ATRNL1: variants seen among roughly 807,000 people sequenced by gnomAD.
ATRNL1 encodes the protein attractin-like protein 1.
ATRNL1 carries 95 observed loss-of-function variants against 182.7 expected under a neutral mutation model. That is an observed-to-expected ratio of 0.52 (90% confidence interval 0.44 to 0.62). ATRNL1 has a LOEUF of 0.62. Among genes scored for constraint, ATRNL1 ranks in the 20% least tolerant of loss-of-function variants. The pLI is 0.00. For synonymous variants in ATRNL1, 576 were observed against 568.3 expected (o/e 1.01, Z -0.19); for missense variants, 1,471 against 1,679.5 (o/e 0.88, Z 2.17).
At chr10:115,576,979 T>G (rs1313280030) in intron 26 of ATRNL1, among the ~76,000 whole-genome samples, 1 of 151,900 alleles carries the variant, frequency 6.6e-6, no homozygotes, top group African/African-American at 2.4e-5. Flanking sequence ...CCACCATTTA[T>G]GGAAGAGACT....
chr10:115,484,503 A>G (rs1848924608), intron 24 of ATRNL1, among the ~76,000 whole-genome samples: 1 of 151,644 alleles, frequency 6.6e-6, no homozygotes, highest in Non-Finnish European at 1.5e-5. Context: ...TATATACAGT[A>G]TACTTTTTAG....
chr10:115,628,149 A>T (rs1169182283), intron 26 of ATRNL1, among the ~76,000 whole-genome samples: 1 of 150,030 alleles, frequency 6.7e-6, no homozygotes, highest in African/African-American at 2.4e-5. Context: ...TCTGTCTCAA[A>T]AAAAAAAAAA....
At chr10:115,136,064 A>T (rs535343998) in intron 5 of ATRNL1, among the ~76,000 whole-genome samples, 1 of 150,762 alleles carries the variant, frequency 6.6e-6, no homozygotes, top group African/African-American at 2.4e-5. Flanking sequence ...AGATCTTTCT[A>T]TGTTGCTCAG....
chr10:115,883,157 T>C (rs1235745661), intron 28 of ATRNL1, among the ~76,000 whole-genome samples: 1 of 152,178 alleles, frequency 6.6e-6, no homozygotes, highest in Non-Finnish European at 1.5e-5. Context: ...GACAACTCTA[T>C]ACCCATCCAA....
chr10:115,408,941 A>G (rs1844998437), intron 20 of ATRNL1, among the ~76,000 whole-genome samples: 1 of 152,016 alleles, frequency 6.6e-6, no homozygotes, highest in Admixed American at 6.6e-5. Context: ...GTCTGTTTTT[A>G]TGCCAGTACC....
intron 26 of ATRNL1, among the ~76,000 whole-genome samples, chr10:115,565,153 C>T (rs1555001297): frequency 1.3e-5 from 2 of 151,962 alleles, no homozygotes; most frequent in African/African-American, 4.8e-5. Flanking sequence ...AACCACACTA[C>T]AGTGGAGTAC....
intron 28 of ATRNL1, among the ~76,000 whole-genome samples, chr10:115,933,987 G>A (rs1953480333): frequency 6.6e-6 from 1 of 152,146 alleles, no homozygotes; most frequent in African/African-American, 2.4e-5. Flanking sequence ...TAGTGGAGAG[G>A]TGTTGCCCGG....
At position 115,467,154 on chromosome 10, in the gene ATRNL1, A is replaced by T; in HGVS notation, c.3418-20A>T. 1.9e-6 allele frequency: 3 copies of T among 1,553,398 alleles called. No individual in the cohort carries two copies. The highest frequency in any genetic ancestry group is 2.7e-6 in the Non-Finnish European group (3 of 1,129,412). The stretch of plus-strand genomic sequence containing the variant: ...AGTGTAATTTTCGTTTTTTAACCTT[A>T]ATATTTTCTTTTCTGGTAGTCGAAC... On this transcript the variant is annotated intron_variant, in intron 22 of 28. Transcript: ENST00000355044.
chr10:115,724,759 T>C (rs1260034030), intron 26 of ATRNL1, among the ~76,000 whole-genome samples: 3 of 152,172 alleles, frequency 2.0e-5, no homozygotes, highest in Admixed American at 6.5e-5. Flanking sequence ...AGCTAAAAAG[T>C]GGAGAAACTG....
chr10:115,518,039 C>T (rs1850727193), intron 24 of ATRNL1, among the ~76,000 whole-genome samples: 4 of 151,850 alleles, frequency 2.6e-5, no homozygotes, highest in African/African-American at 9.7e-5. Flanking sequence ...TTTAAGCTTA[C>T]ATGTACATGC....
intron 5 of ATRNL1, among the ~76,000 whole-genome samples, chr10:115,130,781 T>G (rs113391829): frequency 6.6e-6 from 1 of 152,222 alleles, no homozygotes; most frequent in African/African-American, 2.4e-5. Context: ...TGTATCCATA[T>G]TATATTTGAT....
intron 27 of ATRNL1, among the ~76,000 whole-genome samples, chr10:115,746,660 T>A (rs1948300981): frequency 1.3e-5 from 2 of 152,106 alleles, no homozygotes; most frequent in Non-Finnish European, 2.9e-5. Flanking sequence ...TATATTATAA[T>A]ACTGATCTAA....
intron 22 of ATRNL1, 80 bp downstream of exon 22, chr10:115,462,115 C>A: frequency 1.0e-6 from 1 of 982,758 alleles, no homozygotes; most frequent in South Asian, 1.7e-5. Flanking sequence ...TTTACCTCTT[C>A]TCAGAATTAT....
intron 27 of ATRNL1, among the ~76,000 whole-genome samples, chr10:115,844,896 G>T (rs1475283480): frequency 6.6e-6 from 1 of 152,000 alleles, no homozygotes; most frequent in Non-Finnish European, 1.5e-5. Context: ...TTTGATTCAT[G>T]GTTATGTAGT....
intron 26 of ATRNL1, among the ~76,000 whole-genome samples, chr10:115,628,952 A>G (rs782583713): frequency 1.6e-4 from 25 of 152,134 alleles, no homozygotes; most frequent in Non-Finnish European, 1.3e-4. Flanking sequence ...TCTAAAATCA[A>G]TTGGCTATAG....
chr10:115,323,417 C>G (rs1413062766), intron 18 of ATRNL1, among the ~76,000 whole-genome samples: 5 of 101,282 alleles, frequency 4.9e-5, no homozygotes, highest in African/African-American at 1.6e-4. Context: ...CCCCTCCCCT[C>G]CCCTCCCCTC....
At chr10:115,125,500 T>A (rs80274460) in intron 3 of ATRNL1, among the ~76,000 whole-genome samples, 101 of 151,734 alleles carry the variant, frequency 6.7e-4, no homozygotes, top group African/African-American at 2.1e-3. Flanking sequence ...AGTGTTATTT[T>A]TTTTTTTTTT....
intron 20 of ATRNL1, among the ~76,000 whole-genome samples, chr10:115,413,662 A>T (rs1193633672): frequency 1.3e-5 from 2 of 152,060 alleles, no homozygotes; most frequent in Non-Finnish European, 2.9e-5. Flanking sequence ...TCTTTTGTTT[A>T]TGTGACACAC....
At position 115,155,559 on chromosome 10, in the gene ATRNL1, T is replaced by C. The variant is rs530326239; in HGVS notation, c.830-4481T>C. On this transcript the variant is annotated intron_variant, in intron 5 of 28. Coordinates refer to ENST00000355044, the MANE Select transcript of ATRNL1 (RefSeq NM_207303.4). Reference sequence around the variant, plus strand: ...TTTCACAGCTAGTAAGTAGGAAAGCTAGATTTGACTGCATAGCTCATGCTG... The same window carrying C: ...TTTCACAGCTAGTAAGTAGGAAAGCCAGATTTGACTGCATAGCTCATGCTG... Among the ~76,000 whole-genome samples, 48 of 152,332 alleles carry C rather than the reference T, an allele frequency of 3.2e-4. 2 individuals carry two copies. The South Asian group carries it at 9.3e-3, about 30-fold the overall frequency.
Sources: allele counts gnomAD v4.1 joint callset (sites outside exome capture counted in the v4.1 genomes callset), GRCh38; gene constraint gnomAD v4.1.1; transcripts MANE v1.5; gene names NCBI Gene and HGNC (gene_info 2026-07-23, HGNC 2026-07-21).